Variants in ADAMTSL1 observed in about 807,000 individuals in gnomAD.
ADAMTSL1 encodes ADAMTS-like protein 1.
A neutral mutation model predicts 201.8 loss-of-function variants in ADAMTSL1; 126 were observed. The observed-to-expected ratio is 0.62, with a 90% confidence interval of 0.54 to 0.72. The LOEUF (loss-of-function observed/expected upper bound fraction) is 0.72, where lower values mean the gene tolerates loss of function less well. Among genes scored for constraint, ADAMTSL1 ranks in the 30% least tolerant of loss-of-function variants. ADAMTSL1 has a pLI of 0.00. For missense variants in ADAMTSL1, 2,679 were observed against 2,277.8 expected (o/e 1.18, Z -3.59); for synonymous variants, 1,121 against 903.4 (o/e 1.24, Z -4.32).
chr9:18,651,834 A>G (rs984311977), intron 7 of ADAMTSL1, among the ~76,000 whole-genome samples: 1 of 152,150 alleles, frequency 6.6e-6, no homozygotes, highest in African/African-American at 2.4e-5. Context: ...TGCTTTTATT[A>G]TAAGAGGTAA....
At chr9:18,070,206 T>G (rs1398039960) in intron 1 of ADAMTSL1, among the ~76,000 whole-genome samples, 1 of 152,060 alleles carries the variant, frequency 6.6e-6, no homozygotes, top group Non-Finnish European at 1.5e-5. Flanking sequence ...AAGGACTGGA[T>G]AGGAGAGCAC....
rs1830530097 is a variant in ADAMTSL1, at chr9:18,681,969, C to G, written c.1489+10C>G. On this transcript the variant is annotated intron_variant, in intron 12 of 28. Transcript: ENST00000380548. ...TGCTATAAACCCAAAGGTAACTTGA[C>G]AGGTGCTCTATTACCAGCCTGTTAA... 6.2e-7 allele frequency: 1 copy of G among 1,613,676 alleles called. No homozygotes were observed. Among genetic ancestry groups the G allele is most frequent in the Admixed American group, 1.7e-5 (1 of 59,986 alleles).
chr9:18,030,463 A>C (rs1820902693), intron 1 of ADAMTSL1, among the ~76,000 whole-genome samples: 1 of 152,138 alleles, frequency 6.6e-6, no homozygotes, highest in Admixed American at 6.5e-5. Flanking sequence ...ATGATGAGTT[A>C]ATGGGTGCAG....
intron 1 of ADAMTSL1, among the ~76,000 whole-genome samples, chr9:17,994,261 G>A (rs1267073283): frequency 6.6e-6 from 1 of 152,144 alleles, no homozygotes; most frequent in Non-Finnish European, 1.5e-5. Context: ...CCATGCACAA[G>A]GGTTGAGCTG....
At chr9:18,708,110 G>GA (rs2133339503) in intron 14 of ADAMTSL1, among the ~76,000 whole-genome samples, 1 of 152,216 alleles carries the variant, frequency 6.6e-6, no homozygotes, top group East Asian at 1.9e-4. Flanking sequence ...ATAACCGGTG[G>GA]AAAAAAGCAC....
At chr9:18,327,029 G>A (rs4961635) in intron 2 of ADAMTSL1, among the ~76,000 whole-genome samples, 77,658 of 152,018 alleles carry the variant, frequency 0.51, 20,245 homozygotes, top group Admixed American at 0.62. Context: ...TGTTTAGCAA[G>A]TAGGGAATGA....
At chr9:18,614,825 T>C (rs1396443394) in intron 4 of ADAMTSL1, among the ~76,000 whole-genome samples, 1 of 152,166 alleles carries the variant, frequency 6.6e-6, no homozygotes, top group Non-Finnish European at 1.5e-5. Flanking sequence ...CCCAAGGGTA[T>C]TGGAACAACA....
intron 23 of ADAMTSL1, among the ~76,000 whole-genome samples, chr9:18,858,205 A>G (rs976933467): frequency 2.0e-5 from 3 of 152,012 alleles, no homozygotes; most frequent in Non-Finnish European, 2.9e-5. Flanking sequence ...CTTCTTCCAT[A>G]TTTGTAATTC....
chr9:18,867,524 C>G (rs139974733), intron 23 of ADAMTSL1, among the ~76,000 whole-genome samples: 55 of 152,292 alleles, frequency 3.6e-4, no homozygotes, highest in African/African-American at 1.3e-3. Flanking sequence ...CCCCCATGCC[C>G]TAATCACCAC....
intron 1 of ADAMTSL1, among the ~76,000 whole-genome samples, chr9:18,029,483 A>G (rs989655816): frequency 2.6e-5 from 4 of 152,210 alleles, no homozygotes; most frequent in African/African-American, 9.6e-5. Flanking sequence ...GGACATAGGC[A>G]TGGGCAAGGA....
intron 21 of ADAMTSL1, 36 bp downstream of exon 21, chr9:18,817,273 G>A (rs1334804989): frequency 6.5e-7 from 1 of 1,544,534 alleles, no homozygotes; most frequent in Non-Finnish European, 8.8e-7. Flanking sequence ...ACACGTTAAT[G>A]GAGCCCTGTG....
At chr9:17,960,835 A>T (rs1405089423) in intron 1 of ADAMTSL1, among the ~76,000 whole-genome samples, 1 of 152,136 alleles carries the variant, frequency 6.6e-6, no homozygotes, top group Non-Finnish European at 1.5e-5. Flanking sequence ...CAGCTTGCAC[A>T]GTGTCTGGCA....
At position 18,775,878 on chromosome 9, in the gene ADAMTSL1, A is replaced by G. The variant is rs1820952717; in HGVS notation, c.2533A>G (p.Met845Val). 6.3e-7 allele frequency: 1 copy of G among 1,598,104 alleles called. No homozygotes were observed. The highest frequency in any genetic ancestry group is 8.5e-7 in the Non-Finnish European group (1 of 1,171,756). Residue 845 changes from methionine to valine, a missense_variant, in exon 18 of 29, where the codon ATG becomes GTG. By Grantham distance (21) the Met-to-Val change is conservative. Transcript: ENST00000380548. ...LPFSSSIRPC[M>V]LATCARPGRP... ...TTTCTCTTCCTCCATCAGGCCCTGT[A>G]TGCTGGCAACCTGTGCAAGTAAGTA...
At chr9:17,960,814 T>C (rs1817720302) in intron 1 of ADAMTSL1, among the ~76,000 whole-genome samples, 1 of 152,182 alleles carries the variant, frequency 6.6e-6, no homozygotes, top group Admixed American at 6.5e-5. Flanking sequence ...TTCCTTTCCA[T>C]TCCACATCAG....
chr9:18,276,010 A>G (rs1011277692), intron 2 of ADAMTSL1, among the ~76,000 whole-genome samples: 19 of 152,116 alleles, frequency 1.2e-4, no homozygotes, highest in Non-Finnish European at 2.4e-4. Flanking sequence ...TTTCCCTACA[A>G]GTGTCTCTTC....
At chr9:18,184,253 A>G (rs2026905) in intron 2 of ADAMTSL1, among the ~76,000 whole-genome samples, 150,191 of 152,290 alleles carry the variant, frequency 0.99, 74,094 homozygotes, top group Middle Eastern at 1. Flanking sequence ...CTTTACCTAT[A>G]ACCTCTGCCT....
At chr9:18,203,047 C>A (rs1333275681) in intron 2 of ADAMTSL1, among the ~76,000 whole-genome samples, 1 of 152,108 alleles carries the variant, frequency 6.6e-6, no homozygotes, top group Non-Finnish European at 1.5e-5. Flanking sequence ...TGTCAGGTAG[C>A]CACCTTTCCC....
chr9:18,004,098 A>C (rs1272568961), intron 1 of ADAMTSL1, among the ~76,000 whole-genome samples: 1 of 152,072 alleles, frequency 6.6e-6, no homozygotes, highest in Non-Finnish European at 1.5e-5. Context: ...TGGACCACTT[A>C]ATTTATTAAT....
At chr9:18,558,143 A>C (rs542796062) in intron 3 of ADAMTSL1, among the ~76,000 whole-genome samples, 7 of 152,194 alleles carry the variant, frequency 4.6e-5, no homozygotes, top group Non-Finnish European at 8.8e-5. Context: ...ATTTCTCCTA[A>C]TGCTATCCCT....
Sources: allele counts gnomAD v4.1 joint callset (sites outside exome capture counted in the v4.1 genomes callset), GRCh38; gene constraint gnomAD v4.1.1; transcripts MANE v1.5; gene names NCBI Gene and HGNC (gene_info 2026-07-23, HGNC 2026-07-21).